SLC10A7: variants seen among roughly 807,000 people sequenced by gnomAD.
SLC10A7 encodes sodium/bile acid cotransporter 7.
In SLC10A7, 29 loss-of-function variants were observed where a neutral mutation model predicts 43.2. The ratio of observed to expected loss-of-function variants is 0.67; its 90% CI spans 0.50 to 0.92. The LOEUF (loss-of-function observed/expected upper bound fraction) is 0.92, where lower values mean the gene tolerates loss of function less well. Ranked by LOEUF, SLC10A7 falls within the 40% of genes least tolerant of loss-of-function variation. SLC10A7 has a pLI of 0.00. For synonymous variants in SLC10A7, 152 were observed against 144.8 expected, an observed-to-expected ratio of 1.05 and a Z score of -0.35; for missense variants, 295 against 403.2, an observed-to-expected ratio of 0.73 and a Z score of 2.30.
intron 7 of SLC10A7, among the ~76,000 whole-genome samples, chr4:146,295,219 G>T (rs1164573183): frequency 6.6e-6 from 1 of 152,182 alleles, no homozygotes; most frequent in African/African-American, 2.4e-5. Context: ...AGGGACTCAT[G>T]AAGTGAACTG....
Position 146,294,072 on chromosome 4 carries a change from A to G in SLC10A7, c.579T>C (p.Asp193=), listed in dbSNP as rs1424188480. 6.2e-7 allele frequency: 1 copy of G among 1,610,152 alleles called. No homozygotes were observed. Among genetic ancestry groups the G allele is most frequent in the Non-Finnish European group, 8.5e-7 (1 of 1,177,522 alleles). ...IGQIVRRYIK[D]WLERKKPPFG... ...AAGGAGGCTTCTTTCTCTCAAGCCAATCCTTGATGTATCTTCGGACAATCT... is the reference window on the plus strand; with the variant it reads ...AAGGAGGCTTCTTTCTCTCAAGCCAGTCCTTGATGTATCTTCGGACAATCT... The change falls in exon 8 of 12, where the codon GAT becomes GAC. Residue 193 remains aspartate (D), a synonymous_variant. Transcript: ENST00000335472.
intron 10 of SLC10A7, among the ~76,000 whole-genome samples, chr4:146,272,963 C>G (rs1200082881): frequency 5.9e-5 from 9 of 152,018 alleles, no homozygotes; most frequent in Admixed American, 5.9e-4. Flanking sequence ...AAAGTGTGCC[C>G]CTCATTACTT....
rs1425130527 is a variant in SLC10A7 at position 146,492,219 on chromosome 4, C to CA, written c.396+11629dup. On this transcript the variant is annotated intron_variant, in intron 4 of 11. Transcript: ENST00000335472. Reference sequence around the variant, plus strand: ...TGGGCGACAGAGCGAGTCTCTGTCTCAAAAAAAAAAAAGGAAGAAAAGAAA... The same window carrying CA: ...TGGGCGACAGAGCGAGTCTCTGTCTCAAAAAAAAAAAAAGGAAGAAAAGAAA... Among the ~76,000 whole-genome samples, 649 of 119,124 alleles carry CA rather than the reference C, an allele frequency of 5.4e-3. 1 individual carries two copies. The highest frequency in any genetic ancestry group is 9.1e-3 in the East Asian group (38 of 4,190). The allele number at this position is 119,124 out of a possible 152,430, so 78.1% of individuals were successfully genotyped here.
At chr4:146,269,753 C>T (rs893602994) in intron 10 of SLC10A7, among the ~76,000 whole-genome samples, 2 of 152,114 alleles carry the variant, frequency 1.3e-5, no homozygotes, top group African/African-American at 4.8e-5. Context: ...GATGGTATGA[C>T]ATGAGCTTTC....
chr4:146,299,767 G>A (rs1488466944), intron 7 of SLC10A7, among the ~76,000 whole-genome samples: 1 of 152,158 alleles, frequency 6.6e-6, no homozygotes, highest in Non-Finnish European at 1.5e-5. Context: ...GTTTCTGGGA[G>A]GTGTTAGATG....
intron 5 of SLC10A7, among the ~76,000 whole-genome samples, chr4:146,348,975 A>G (rs1253015143): frequency 3.3e-5 from 5 of 152,180 alleles, no homozygotes; most frequent in African/African-American, 1.2e-4. Context: ...TGAGAACCAA[A>G]TCAATTCCCT....
At chr4:146,510,125 T>A in intron 2 of SLC10A7, 76 bp from the exon 3 acceptor site, 1 of 1,379,710 alleles carries the variant, frequency 7.2e-7, no homozygotes, top group Non-Finnish European at 9.7e-7. Context: ...TAAAATAACA[T>A]CACATGAGTT....
At chr4:146,412,497 CT>C (rs1212177620) in intron 5 of SLC10A7, among the ~76,000 whole-genome samples, 5 of 152,130 alleles carry the variant, frequency 3.3e-5, no homozygotes, top group African/African-American at 1.2e-4. Flanking sequence ...TGATGTTCTT[CT>C]AGCTTAGCCT....
intron 5 of SLC10A7, among the ~76,000 whole-genome samples, chr4:146,366,328 C>T (rs1339469469): frequency 2.0e-5 from 3 of 152,182 alleles, no homozygotes; most frequent in Non-Finnish European, 4.4e-5. Flanking sequence ...AAACACCTTA[C>T]ATTCTGTAGC....
At chr4:146,504,325 C>T (rs1736697685) in intron 3 of SLC10A7, among the ~76,000 whole-genome samples, 1 of 151,950 alleles carries the variant, frequency 6.6e-6, no homozygotes, top group African/African-American at 2.4e-5. Flanking sequence ...CGAGACCATC[C>T]TGGCTAACAC....
chr4:146,281,472 G>A (rs1047683472), intron 10 of SLC10A7, among the ~76,000 whole-genome samples: 3 of 151,492 alleles, frequency 2.0e-5, no homozygotes, highest in Non-Finnish European at 4.4e-5. Context: ...CAAGCCTGTT[G>A]CAGAAATGTG....
chr4:146,302,019 C>T (rs1424050559), intron 7 of SLC10A7, among the ~76,000 whole-genome samples: 3 of 152,098 alleles, frequency 2.0e-5, no homozygotes, highest in African/African-American at 7.2e-5. Flanking sequence ...ATTATTCCCT[C>T]GGGATAAATG....
intron 7 of SLC10A7, among the ~76,000 whole-genome samples, chr4:146,297,814 TAAAC>T (rs1730888669): frequency 6.6e-6 from 1 of 152,132 alleles, no homozygotes; most frequent in Non-Finnish European, 1.5e-5. Flanking sequence ...CAAAAAAACA[TAAAC>T]AATAATAATA....
chr4:146,334,011 TTAAGTTTGTG>T (rs921913099), intron 5 of SLC10A7, among the ~76,000 whole-genome samples: 2 of 152,078 alleles, frequency 1.3e-5, no homozygotes, highest in Non-Finnish European at 2.9e-5. Context: ...GACTGTTCAA[TTAAGTTTGTG>T]GGGAGAGTGT....
chr4:146,354,441 A>G (rs1293152262), intron 5 of SLC10A7, among the ~76,000 whole-genome samples: 4 of 152,042 alleles, frequency 2.6e-5, no homozygotes, highest in Admixed American at 2.6e-4. Context: ...AAGAATCAAT[A>G]TCGTGAAAAT....
At chr4:146,268,904 T>C (rs1025313653) in intron 10 of SLC10A7, among the ~76,000 whole-genome samples, 1 of 152,098 alleles carries the variant, frequency 6.6e-6, no homozygotes, top group Non-Finnish European at 1.5e-5. Flanking sequence ...GATAGAATAA[T>C]GGATGGTAAA....
intron 5 of SLC10A7, among the ~76,000 whole-genome samples, chr4:146,423,534 T>C (rs1729106142): frequency 6.6e-6 from 1 of 152,206 alleles, no homozygotes; most frequent in Non-Finnish European, 1.5e-5. Flanking sequence ...AGACAGTCTT[T>C]GCCTGACTAA....
At chr4:146,403,118 G>C (rs192103183) in intron 5 of SLC10A7, among the ~76,000 whole-genome samples, 14 of 152,342 alleles carry the variant, frequency 9.2e-5, no homozygotes, top group African/African-American at 2.6e-4. Flanking sequence ...ATTACTGCTA[G>C]TAGTAGTTAT....
chr4:146,456,775 C>G (rs1579235843), intron 4 of SLC10A7, among the ~76,000 whole-genome samples: 1 of 151,992 alleles, frequency 6.6e-6, no homozygotes, highest in East Asian at 1.9e-4. Flanking sequence ...TCTCCAGCCC[C>G]CTCCTCTTCC....
Sources: gnomAD v4.1 joint callset for allele counts (sites outside exome capture counted in the v4.1 genomes callset) on GRCh38, gnomAD v4.1.1 for gene constraint, MANE v1.5 for transcripts, NCBI Gene and HGNC (gene_info 2026-07-23, HGNC 2026-07-21) for gene names.